CEP63: variants seen among roughly 807,000 people sequenced by gnomAD.
CEP63 encodes the protein centrosomal protein of 63 kDa.
In CEP63, 84 loss-of-function variants were observed where a neutral mutation model predicts 89.1. The ratio of observed to expected loss-of-function variants is 0.94; its 90% confidence interval spans 0.79 to 1.13. CEP63 has a LOEUF of 1.13. Among genes scored for constraint, CEP63 ranks in the 50% most tolerant of loss-of-function variants. The pLI is 0.00. For missense variants in CEP63, 838 were observed against 813.3 expected (o/e 1.03, Z -0.37); for synonymous variants, 267 against 272.5 (o/e 0.98, Z 0.20).
chr3:134,494,092 A>ATT (rs1938777839), intron 1 of CEP63, among the ~76,000 whole-genome samples: 38 of 143,598 alleles, frequency 2.6e-4, no homozygotes, highest in African/African-American at 5.7e-4. Flanking sequence ...CCTTTATTTT[A>ATT]TATTTATTTA....
the CEP63 span, among the ~76,000 whole-genome samples, chr3:134,740,323 A>G: frequency 6.8e-6 from 1 of 147,894 alleles, no homozygotes; most frequent in Non-Finnish European, 1.5e-5. Context: ...TTTGAGATGG[A>G]GTCTGGCTCT....
chr3:134,568,331 A>G (rs1200833469), downstream of CEP63, among the ~76,000 whole-genome samples: 3 of 152,166 alleles, frequency 2.0e-5, no homozygotes, highest in Non-Finnish European at 4.4e-5. Context: ...CAGATCCCCA[A>G]CTTAAATAAA....
chr3:134,676,876 C>T, the CEP63 span, among the ~76,000 whole-genome samples: 1 of 152,196 alleles, frequency 6.6e-6, no homozygotes, highest in Non-Finnish European at 1.5e-5. Flanking sequence ...CTCTGGGCAA[C>T]GCTGTTTCCT....
chr3:134,736,593 A>G, the CEP63 span, among the ~76,000 whole-genome samples: 1 of 152,338 alleles, frequency 6.6e-6, no homozygotes, highest in East Asian at 1.9e-4. Context: ...AAAAGAATAA[A>G]TCTAAGAACA....
chr3:134,645,967 C>A, the CEP63 span, among the ~76,000 whole-genome samples: 1 of 152,152 alleles, frequency 6.6e-6, no homozygotes, highest in Admixed American at 6.5e-5. Flanking sequence ...AATAACATGC[C>A]TGAGAAGCCC....
At chr3:134,725,624 AC>A in the CEP63 span, among the ~76,000 whole-genome samples, 1 of 152,176 alleles carries the variant, frequency 6.6e-6, no homozygotes, top group Non-Finnish European at 1.5e-5. Context: ...GCCATTGTGC[AC>A]CCTCTCTTCA....
At chr3:134,557,492 AAAAAAATCACCCAGACT>A (rs1319875571) in intron 12 of CEP63, among the ~76,000 whole-genome samples, 1 of 149,872 alleles carries the variant, frequency 6.7e-6, no homozygotes, top group African/African-American at 2.5e-5. Context: ...TGTCATTAGA[AAAAAAATCACCCAGACT>A]ACCATTTTTT....
chr3:134,519,708 C>T (rs1182227896), intron 3 of CEP63, among the ~76,000 whole-genome samples: 1 of 152,110 alleles, frequency 6.6e-6, no homozygotes, highest in Non-Finnish European at 1.5e-5. Context: ...AAAATATTAA[C>T]AAACTAAATC....
At chr3:134,685,957 T>G in the CEP63 span, among the ~76,000 whole-genome samples, 3 of 152,224 alleles carry the variant, frequency 2.0e-5, no homozygotes, top group Non-Finnish European at 4.4e-5. Flanking sequence ...CTACCAATGT[T>G]ACCTACATTT....
At chr3:134,568,971 C>T (rs1957902972), downstream of CEP63, among the ~76,000 whole-genome samples, 1 of 152,314 alleles carries the variant, frequency 6.6e-6, no homozygotes, top group South Asian at 2.1e-4. Flanking sequence ...GAGCAAGTCA[C>T]ATCTTACATG....
chr3:134,566,323 TTAA>T (rs972126604), downstream of CEP63, among the ~76,000 whole-genome samples: 26 of 152,138 alleles, frequency 1.7e-4, no homozygotes, highest in African/African-American at 4.6e-4. Flanking sequence ...TTTATTAATG[TTAA>T]TAATAGTAAT....
At chr3:134,589,001 A>G (rs933696891), downstream of CEP63, among the ~76,000 whole-genome samples, 1 of 152,216 alleles carries the variant, frequency 6.6e-6, no homozygotes, top group African/African-American at 2.4e-5. Context: ...TACAAAATGG[A>G]CACAAGAAGA....
intron 11 of CEP63, among the ~76,000 whole-genome samples, chr3:134,572,941 A>G (rs1958074204): frequency 6.6e-6 from 1 of 152,158 alleles, no homozygotes; most frequent in South Asian, 2.1e-4. Context: ...ACTTTTTGAT[A>G]ATAGCCATTC....
At chr3:134,728,420 T>G in the CEP63 span, among the ~76,000 whole-genome samples, 1 of 152,242 alleles carries the variant, frequency 6.6e-6, no homozygotes, top group Non-Finnish European at 1.5e-5. Context: ...TAGGAATGAC[T>G]GTGCTAGCAT....
At chr3:134,740,014 A>G in the CEP63 span, among the ~76,000 whole-genome samples, 1 of 151,656 alleles carries the variant, frequency 6.6e-6, no homozygotes, top group Non-Finnish European at 1.5e-5. Flanking sequence ...TCTCATGGAT[A>G]CTCCATCCAC....
At chr3:134,582,834 G>T (rs1958393250) in intron 10 of CEP63, among the ~76,000 whole-genome samples, 2 of 152,282 alleles carry the variant, frequency 1.3e-5, no homozygotes, top group South Asian at 2.1e-4. Context: ...ATCCTCTCCA[G>T]CATCTGTTGT....
chr3:134,660,826 T>A, the CEP63 span, among the ~76,000 whole-genome samples: 1 of 152,170 alleles, frequency 6.6e-6, no homozygotes, highest in East Asian at 1.9e-4. Context: ...TCTCCACTAG[T>A]ACAGTCCATT....
the CEP63 span, among the ~76,000 whole-genome samples, chr3:134,769,064 ACT>A: frequency 7.9e-5 from 12 of 152,076 alleles, no homozygotes; most frequent in Admixed American, 2.6e-4. Flanking sequence ...GGACTTAGAG[ACT>A]CACAAAGTAG....
chr3:134,532,694 T>C (rs1225209687), intron 4 of CEP63, 84 bp from the exon 5 acceptor site: 3 of 1,140,118 alleles, frequency 2.6e-6, no homozygotes, highest in Non-Finnish European at 3.9e-6. Context: ...TTAGCACTGC[T>C]CTTGTTTTCA....
Sources: gnomAD v4.1 joint callset for allele counts (sites outside exome capture counted in the v4.1 genomes callset) on GRCh38, gnomAD v4.1.1 for gene constraint, MANE v1.5 for transcripts, NCBI Gene and HGNC (gene_info 2026-07-23, HGNC 2026-07-21) for gene names.